Variants in MYOF observed in about 807,000 individuals in gnomAD.
The protein encoded by MYOF is myoferlin, also known as fer-1-like 3, myoferlin.
A neutral mutation model predicts 284.2 loss-of-function variants in MYOF; 244 were observed. The ratio of observed to expected loss-of-function variants is 0.86; its 90% CI spans 0.77 to 0.95. The LOEUF (loss-of-function observed/expected upper bound fraction) is 0.95, where lower values mean the gene tolerates loss of function less well. Among genes scored for constraint, MYOF ranks in the 40% least tolerant of loss-of-function variants. The pLI is 0.00. For synonymous variants in MYOF, 904 were observed against 919.7 expected (o/e 0.98, Z 0.31); for missense variants, 2,496 against 2,560.6 (o/e 0.97, Z 0.54).
chr10:93,432,593 G>C (rs971208984), intron 3 of MYOF, among the ~76,000 whole-genome samples: 5 of 152,142 alleles, frequency 3.3e-5, no homozygotes, highest in African/African-American at 1.2e-4. Context: ...TAGGTTGCTA[G>C]TTCACTGATA....
chr10:93,310,985 CAA>C (rs1842356802), intron 51 of MYOF, among the ~76,000 whole-genome samples: 1 of 152,138 alleles, frequency 6.6e-6, no homozygotes, highest in South Asian at 2.1e-4. Flanking sequence ...CCACTAATAA[CAA>C]TATCTAACAT....
At chr10:93,453,388 A>G in intron 2 of MYOF, among the ~76,000 whole-genome samples, 1 of 151,874 alleles carries the variant, frequency 6.6e-6, no homozygotes, top group East Asian at 1.9e-4. Flanking sequence ...CTGGTCTCGA[A>G]CTCCTGACCT....
At chr10:93,348,775 T>C (rs962936958) in intron 36 of MYOF, among the ~76,000 whole-genome samples, 5 of 152,102 alleles carry the variant, frequency 3.3e-5, no homozygotes, top group African/African-American at 1.2e-4. Flanking sequence ...TACCTCTTGC[T>C]TTTCCCCAAG....
intron 3 of MYOF, among the ~76,000 whole-genome samples, chr10:93,449,697 C>T (rs1033549958): frequency 6.6e-6 from 1 of 152,092 alleles, no homozygotes; most frequent in African/African-American, 2.4e-5. Flanking sequence ...CACTATGTTA[C>T]CCAGGCTGGT....
At chr10:93,398,997 G>A (rs1439884253) in intron 13 of MYOF, among the ~76,000 whole-genome samples, 1 of 145,808 alleles carries the variant, frequency 6.9e-6, no homozygotes, top group Non-Finnish European at 1.5e-5. Flanking sequence ...CATGGAAGGT[G>A]AGAAACATGA....
intron 35 of MYOF, among the ~76,000 whole-genome samples, chr10:93,350,451 T>C (rs1340726924): frequency 6.6e-6 from 1 of 152,184 alleles, no homozygotes; most frequent in Non-Finnish European, 1.5e-5. Flanking sequence ...TAGCTGGGAT[T>C]ACAGGTGTGT....
rs781053061 is a variant in MYOF at position 93,396,238 on chromosome 10, A to G, written c.1335-14T>C. ...GTAAGACGGTCCCTGTGTAAAAAAT[A>G]AAAATAAAAAAATAAAAAATAAAAG... On this transcript the variant is annotated splice_polypyrimidine_tract_variant and intron_variant, in intron 15 of 53. Transcript: ENST00000359263. 1 of 1,507,048 alleles carries G rather than the reference A, an allele frequency of 6.6e-7. No individual in the cohort carries two copies. The highest frequency in any genetic ancestry group is 1.4e-5 in the African/African-American group (1 of 69,896). The allele number at this position is 1,507,048 out of a possible 1,614,324, so 93.4% of individuals were successfully genotyped here. A position where few individuals can be genotyped will look rare whatever the true frequency, so the allele number is the denominator to read the frequency against.
intron 5 of MYOF, among the ~76,000 whole-genome samples, chr10:93,412,752 C>T (rs696180): frequency 0.88 from 134,426 of 152,192 alleles, 60,371 homozygotes; most frequent in Non-Finnish European, 0.95. Flanking sequence ...AATGAGTAAA[C>T]AAATGGGAAG....
intron 19 of MYOF, among the ~76,000 whole-genome samples, chr10:93,386,401 G>A (rs1032953996): frequency 6.6e-6 from 1 of 152,092 alleles, no homozygotes; most frequent in Non-Finnish European, 1.5e-5. Flanking sequence ...TTTTGGCTCC[G>A]TGTCTCTTTA....
At chr10:93,352,099 G>C (rs1420418483) in intron 32 of MYOF, among the ~76,000 whole-genome samples, 3 of 152,114 alleles carry the variant, frequency 2.0e-5, no homozygotes, top group African/African-American at 7.2e-5. Context: ...AAGGTTAATG[G>C]GGCCCATAGT....
chr10:93,386,174 C>G (rs937178228), intron 19 of MYOF, among the ~76,000 whole-genome samples: 1 of 152,196 alleles, frequency 6.6e-6, no homozygotes, highest in African/African-American at 2.4e-5. Flanking sequence ...CTACTCAAGT[C>G]AAGAACCACC....
At position 93,316,889 on chromosome 10, in the gene MYOF, G is replaced by C. The variant is rs369910917; in HGVS notation, c.5599-76C>G. On this transcript the variant is annotated intron_variant, in intron 49 of 53. Coordinates refer to ENST00000359263, the MANE Select transcript of MYOF (RefSeq NM_013451.4). ...GCTCCTTAAGACAGCATCAAAGCCT[G>C]GGGCCTTTCTCTCCTTTGCACCCCC... is the stretch of plus-strand genomic sequence containing the variant. The C allele has an allele frequency of 3.0e-5, 37 of 1,230,744 alleles. 1 individual carries two copies. Among genetic ancestry groups the C allele is most frequent in the African/African-American group, 2.4e-4 (16 of 67,050 alleles). 76.2% of individuals were successfully genotyped at this position (1,230,744 alleles called of 1,614,324 possible).
At chr10:93,438,949 A>AGG (rs1277297905) in intron 3 of MYOF, among the ~76,000 whole-genome samples, 1 of 152,078 alleles carries the variant, frequency 6.6e-6, no homozygotes, top group Non-Finnish European at 1.5e-5. Context: ...GCTCATCGAA[A>AGG]GGGGGTGTGG....
chr10:93,365,733 C>A (rs1227774977), intron 26 of MYOF, among the ~76,000 whole-genome samples: 1 of 152,150 alleles, frequency 6.6e-6, no homozygotes, highest in East Asian at 1.9e-4. Flanking sequence ...CACTGACTAC[C>A]TTTGTTATGG....
chr10:93,377,720 A>C (rs77478395), intron 21 of MYOF, among the ~76,000 whole-genome samples: 37 of 152,188 alleles, frequency 2.4e-4, no homozygotes, highest in Non-Finnish European at 4.0e-4. Flanking sequence ...GAAAAAAAAA[A>C]CCCATAAACA....
Position 93,472,973 on chromosome 10 carries a change from G to T in MYOF, c.88+9134C>A, listed in dbSNP as rs963311255. Among the ~76,000 whole-genome samples, 2 of 152,112 alleles carry T rather than the reference G, an allele frequency of 1.3e-5. 1 individual carries two copies. Among genetic ancestry groups the T allele is most frequent in the Admixed American group, 1.3e-4 (2 of 15,264 alleles). On this transcript the variant is annotated intron_variant, in intron 1 of 53. Coordinates refer to ENST00000359263, the MANE Select transcript of MYOF (RefSeq NM_013451.4). Reference sequence around the variant, plus strand: ...GTTCTCTATATATTTTATCACAATTGCTCCCAACAACCTCCCTGTGAGGTA... The same window carrying T: ...GTTCTCTATATATTTTATCACAATTTCTCCCAACAACCTCCCTGTGAGGTA...
intron 1 of MYOF, among the ~76,000 whole-genome samples, chr10:93,466,857 C>T (rs139974807): frequency 1.1e-4 from 16 of 152,082 alleles, no homozygotes; most frequent in Admixed American, 5.2e-4. Context: ...ACCTGTGGTC[C>T]CAATTACTCA....
chr10:93,338,652 C>T (rs1843726529), intron 39 of MYOF, among the ~76,000 whole-genome samples: 1 of 152,168 alleles, frequency 6.6e-6, no homozygotes, highest in Non-Finnish European at 1.5e-5. Context: ...CCAGGGCTCC[C>T]AACCTATCCT....
chr10:93,460,796 G>GA (rs113799093), intron 1 of MYOF, among the ~76,000 whole-genome samples: 3 of 138,736 alleles, frequency 2.2e-5, no homozygotes, highest in Admixed American at 7.6e-5. Flanking sequence ...GAAAGAAAAA[G>GA]AAAAAAAAAG....
Sources: allele counts gnomAD v4.1 joint callset (sites outside exome capture counted in the v4.1 genomes callset), GRCh38; gene constraint gnomAD v4.1.1; transcripts MANE v1.5; gene names NCBI Gene and HGNC (gene_info 2026-07-23, HGNC 2026-07-21).